SLC35F4: variants seen among roughly 807,000 people sequenced by gnomAD.
SLC35F4 encodes chromosome 14 open reading frame 36.
In SLC35F4, 24 loss-of-function variants were observed where a neutral mutation model predicts 44.2. The ratio of observed to expected loss-of-function variants is 0.54; its 90% CI spans 0.39 to 0.76. The LOEUF is 0.76. Ranked by LOEUF, SLC35F4 falls within the 30% of genes least tolerant of loss-of-function variation. The pLI is 0.00. For synonymous variants in SLC35F4, 238 were observed against 223.6 expected (o/e 1.06, Z -0.57); for missense variants, 562 against 586.1 (o/e 0.96, Z 0.42).
At chr14:57,957,371 G>A (rs1300879150) in intron 1 of SLC35F4, among the ~76,000 whole-genome samples, 1 of 151,826 alleles carries the variant, frequency 6.6e-6, no homozygotes, top group African/African-American at 2.4e-5. Flanking sequence ...AAGCCACTAT[G>A]GCACGTGTAT....
chr14:57,913,681 G>A (rs1198506335), intron 1 of SLC35F4, among the ~76,000 whole-genome samples: 2 of 151,952 alleles, frequency 1.3e-5, no homozygotes, highest in Non-Finnish European at 2.9e-5. Flanking sequence ...ACATAATCGA[G>A]TACACTGCTA....
At chr14:57,623,934 A>G (rs1216073540) in intron 1 of SLC35F4, among the ~76,000 whole-genome samples, 1 of 152,188 alleles carries the variant, frequency 6.6e-6, no homozygotes, top group Non-Finnish European at 1.5e-5. Context: ...AGCAGAAGAC[A>G]AGAAATAACT....
At chr14:57,903,269 T>C (rs1889043861) in intron 1 of SLC35F4, among the ~76,000 whole-genome samples, 1 of 152,118 alleles carries the variant, frequency 6.6e-6, no homozygotes. Flanking sequence ...GATCAACAGA[T>C]GGAAAATTCT....
At chr14:57,630,546 A>G (rs1416917245) in intron 1 of SLC35F4, 13 of 1,108,982 alleles carry the variant, frequency 1.2e-5, no homozygotes, top group Non-Finnish European at 1.8e-5. Context: ...TCCAAAACAC[A>G]TTATAAGTCT....
At position 57,758,930 on chromosome 14, in the gene SLC35F4, C is replaced by T. The variant is rs562876131; in HGVS notation, c.103+106793G>A. On this transcript the variant is annotated intron_variant, in intron 1 of 7. Transcript: ENST00000556826. The stretch of plus-strand genomic sequence containing the variant: ...AACCCTTGGAAACCACCATTCTATC[C>T]TCTTTCTATGAGTTTGACTATTATA... Among the ~76,000 whole-genome samples the T allele has an allele frequency of 3.3e-5, 5 of 152,258 alleles. No homozygotes were observed. In the South Asian group the frequency reaches 1.0e-3, roughly 32 times the overall value.
chr14:57,630,770 T>G (rs2072731678), intron 1 of SLC35F4: 2 of 490,450 alleles, frequency 4.1e-6, no homozygotes, highest in Admixed American at 3.3e-5. Flanking sequence ...AGGAATACAG[T>G]GTTGCAATGA....
intron 4 of SLC35F4, among the ~76,000 whole-genome samples, chr14:57,573,647 G>T (rs2068632739): frequency 6.6e-6 from 1 of 151,924 alleles, no homozygotes; most frequent in Non-Finnish European, 1.5e-5. Flanking sequence ...ATTCTATGAG[G>T]GTTATCATTT....
chr14:57,886,896 C>T (rs554853737), intron 1 of SLC35F4, among the ~76,000 whole-genome samples: 37 of 152,316 alleles, frequency 2.4e-4, no homozygotes, highest in African/African-American at 8.2e-4. Flanking sequence ...AAAGAGAAAG[C>T]ATCCCTAACA....
intron 1 of SLC35F4, among the ~76,000 whole-genome samples, chr14:57,816,194 C>T (rs952785517): frequency 8.5e-5 from 13 of 152,116 alleles, no homozygotes; most frequent in East Asian, 7.7e-4. Context: ...GGGCCCCATG[C>T]GTGTAAAATC....
At chr14:57,783,541 T>C (rs1457284480) in intron 1 of SLC35F4, among the ~76,000 whole-genome samples, 1 of 152,162 alleles carries the variant, frequency 6.6e-6, no homozygotes, top group African/African-American at 2.4e-5. Context: ...ATCAATAAAG[T>C]TGCTAACTCC....
intron 1 of SLC35F4, among the ~76,000 whole-genome samples, chr14:57,739,244 A>G (rs1193113455): frequency 2.6e-5 from 4 of 152,128 alleles, no homozygotes; most frequent in Admixed American, 2.0e-4. Context: ...TCCATGAAAC[A>G]TTTCACCACC....
At chr14:57,576,232 A>T (rs918350018) in intron 4 of SLC35F4, among the ~76,000 whole-genome samples, 1 of 152,236 alleles carries the variant, frequency 6.6e-6, no homozygotes, top group African/African-American at 2.4e-5. Context: ...TTAAAGGTCA[A>T]GATGACTGAT....
At chr14:57,924,082 A>G (rs916027000) in intron 1 of SLC35F4, among the ~76,000 whole-genome samples, 1 of 152,212 alleles carries the variant, frequency 6.6e-6, no homozygotes, top group Admixed American at 6.5e-5. Flanking sequence ...CCATCCATGT[A>G]AGATGTGACT....
Position 57,581,268 on chromosome 14 carries a change from G to C in SLC35F4, c.753C>G (p.Ala251=). The change falls in exon 4 of 8, where the codon GCC becomes GCG. Residue 251 remains alanine (A), a synonymous_variant. Coordinates refer to ENST00000556826, the MANE Select transcript of SLC35F4 (RefSeq NM_001306087.2). ...DVSALFCCNK[A]FVFLLSWIVL... ...CAATCCATGACAGCAAGAAGACAAA[G>C]GCTTTGTTACAACAGAACAGAGCGG... 6.2e-7 allele frequency: 1 copy of C among 1,609,770 alleles called. No individual in the cohort carries two copies. The highest frequency in any genetic ancestry group is 8.5e-7 in the Non-Finnish European group (1 of 1,178,428).
intron 1 of SLC35F4, among the ~76,000 whole-genome samples, chr14:57,785,679 GAA>G (rs2077738037): frequency 6.6e-6 from 1 of 152,134 alleles, no homozygotes; most frequent in Admixed American, 6.5e-5. Flanking sequence ...CTGTTTGCAG[GAA>G]AAGTTTCTGA....
intron 1 of SLC35F4, among the ~76,000 whole-genome samples, chr14:57,618,716 T>C (rs528477487): frequency 3.3e-5 from 5 of 152,322 alleles, no homozygotes; most frequent in African/African-American, 1.2e-4. Context: ...GAAAGGGGGC[T>C]TGAAGCCAGG....
At chr14:57,937,574 G>A (rs201141227) in intron 1 of SLC35F4, among the ~76,000 whole-genome samples, 2,380 of 88,914 alleles carry the variant, frequency 0.027, 63 homozygotes, top group South Asian at 0.04. Flanking sequence ...GAAAAGAAAA[G>A]AGAAAAGAAA....
intron 1 of SLC35F4, among the ~76,000 whole-genome samples, chr14:57,616,699 T>C (rs1278831442): frequency 6.6e-6 from 1 of 152,190 alleles, no homozygotes. Flanking sequence ...TTTCTGTCTA[T>C]TCCCTTTACT....
At chr14:57,667,006 G>A (rs915608469) in intron 1 of SLC35F4, among the ~76,000 whole-genome samples, 3 of 151,296 alleles carry the variant, frequency 2.0e-5, no homozygotes, top group Non-Finnish European at 4.4e-5. Context: ...TTATTCTGTG[G>A]GAGGAAGCGT....
Sources: allele counts gnomAD v4.1 joint callset (sites outside exome capture counted in the v4.1 genomes callset), GRCh38; gene constraint gnomAD v4.1.1; transcripts MANE v1.5; gene names NCBI Gene and HGNC (gene_info 2026-07-23, HGNC 2026-07-21).